SLA2: variants seen among roughly 807,000 people sequenced by gnomAD.
SLA2 encodes src-like-adapter 2.
Under a neutral mutation model 27.3 loss-of-function variants are expected in SLA2, and 22 were observed. That is an observed-to-expected ratio of 0.81 (90% CI 0.58 to 1.15). The LOEUF (loss-of-function observed/expected upper bound fraction) is 1.15, where lower values mean the gene tolerates loss of function less well. Among genes scored for constraint, SLA2 ranks in the 50% most tolerant of loss-of-function variants. SLA2 has a pLI of 0.00. For missense variants in SLA2, 304 were observed against 322.2 expected (o/e 0.94, Z 0.43); for synonymous variants, 131 against 137.8 (o/e 0.95, Z 0.34).
chr20:36,636,623 AATAT>A lies in SLA2; in HGVS notation c.92-2038_92-2035del, dbSNP rs57962999. On this transcript the variant is annotated intron_variant, in intron 2 of 7. Transcript: ENST00000262866. ...TCCATCTCAAAAAGAAAAAAAAAAA[AATAT>A]ATATATATATATATATATATATATA... Among the ~76,000 whole-genome samples the A allele has an allele frequency of 8.1e-4, 93 of 114,670 alleles. 2 individuals are homozygous for A. The highest frequency in any genetic ancestry group is 1.8e-3 in the African/African-American group (44 of 25,124). 75.2% of individuals were successfully genotyped at this position (114,670 alleles called of 152,430 possible).
At chr20:36,634,832 T>C (rs1173792220) in intron 2 of SLA2, among the ~76,000 whole-genome samples, 2 of 151,160 alleles carry the variant, frequency 1.3e-5, no homozygotes, top group Non-Finnish European at 1.5e-5. Flanking sequence ...AAAATAGTGA[T>C]AGGGTCTTGC....
intron 5 of SLA2, among the ~76,000 whole-genome samples, chr20:36,626,033 G>A (rs1379093622): frequency 2.0e-5 from 3 of 152,056 alleles, no homozygotes; most frequent in African/African-American, 7.2e-5. Context: ...GGGAGGCCAA[G>A]GTGGGTGGAT....
At chr20:36,620,717 G>A (rs1240279955) in intron 5 of SLA2, among the ~76,000 whole-genome samples, 1 of 151,884 alleles carries the variant, frequency 6.6e-6, no homozygotes, top group African/African-American at 2.4e-5. Flanking sequence ...TTACAGGTGT[G>A]CACCACCAAG....
In SLA2 at chr20:36,641,302, G is replaced by A; in HGVS notation, c.34C>T (p.Pro12Ser). 1 of 1,614,102 alleles carries A rather than the reference G, an allele frequency of 6.2e-7. No homozygotes were observed. The highest frequency in any genetic ancestry group is 1.1e-5 in the South Asian group (1 of 91,084). ...GSLPSRRKSL[P>S]SPSLSSSVQG... ...ACAGAGGAACTCAAGCTTGGGCTTG[G>A]CAGAGATTTTCTTCTGCTGGGCAGA... Residue 12 changes from proline to serine, a missense_variant, in exon 2 of 8, where the codon CCA (proline) becomes TCA (serine). Pro to Ser is a moderately conservative substitution (Grantham distance 74). Coordinates refer to ENST00000262866, the MANE Select transcript of SLA2 (RefSeq NM_032214.4).
chr20:36,640,016 C>T (rs1230070007), intron 2 of SLA2, among the ~76,000 whole-genome samples: 2 of 151,918 alleles, frequency 1.3e-5, no homozygotes, highest in Non-Finnish European at 2.9e-5. Context: ...ATTAAGACAG[C>T]CCTGGCAAGG....
At chr20:36,644,265 C>T (rs1269049914) in intron 1 of SLA2, among the ~76,000 whole-genome samples, 1 of 152,082 alleles carries the variant, frequency 6.6e-6, no homozygotes, top group Non-Finnish European at 1.5e-5. Flanking sequence ...GACCAGGAAA[C>T]CCCAGGGAGA....
At chr20:36,629,703 C>T (rs1025589503) in intron 5 of SLA2, among the ~76,000 whole-genome samples, 1 of 151,948 alleles carries the variant, frequency 6.6e-6, no homozygotes, top group Non-Finnish European at 1.5e-5. Flanking sequence ...GAACCCAGGA[C>T]GTGGAGGTTG....
chr20:36,635,830 C>G (rs1314377604), intron 2 of SLA2, among the ~76,000 whole-genome samples: 3 of 152,170 alleles, frequency 2.0e-5, no homozygotes, highest in Non-Finnish European at 4.4e-5. Context: ...GCTGCATACA[C>G]TACACTGTCC....
chr20:36,632,308 T>G (rs2039400880), intron 5 of SLA2, among the ~76,000 whole-genome samples: 1 of 151,982 alleles, frequency 6.6e-6, no homozygotes, highest in African/African-American at 2.4e-5. Context: ...GGATCCCAGG[T>G]CCACTCCTCC....
intron 1 of SLA2, among the ~76,000 whole-genome samples, chr20:36,645,531 G>A (rs1215520494): frequency 3.3e-5 from 5 of 152,142 alleles, no homozygotes; most frequent in Non-Finnish European, 5.9e-5. Context: ...TGACTGCAGC[G>A]CAGAGAGGGG....
intron 6 of SLA2, chr20:36,614,866 C>A (rs2039189398): frequency 4.1e-6 from 4 of 985,394 alleles, no homozygotes; most frequent in Non-Finnish European, 4.8e-6. Flanking sequence ...TGTTGAAGGA[C>A]AGGCACCAGG....
At chr20:36,616,308 AT>A (rs1187898492) in intron 5 of SLA2, among the ~76,000 whole-genome samples, 2,816 of 126,218 alleles carry the variant, frequency 0.022, 68 homozygotes, top group African/African-American at 0.064. Flanking sequence ...TCATTTTTTC[AT>A]TTTTTTTTTT....
Position 36,633,590 on chromosome 20 carries a change from G to A in SLA2, c.231C>T (p.Gly77=). Residue 77 remains glycine (G), a synonymous_variant, in exon 4 of 8, where the codon GGC becomes GGT. Transcript: ENST00000262866. ...DWWTVLSEVS[G]REYNIPSVHV... is the part of the protein sequence containing the mutation. The stretch of plus-strand genomic sequence containing the variant: ...GGACGCTGGGGATGTTATACTCTCT[G>A]CCTGAGACTTCAGACAGCACCGTCC... 6.2e-7 allele frequency: 1 copy of A among 1,614,106 alleles called. No individual in the cohort carries two copies. The highest frequency in any genetic ancestry group is 8.5e-7 in the Non-Finnish European group (1 of 1,179,988).
At chr20:36,631,873 C>G (rs528738819) in intron 5 of SLA2, among the ~76,000 whole-genome samples, 1 of 152,336 alleles carries the variant, frequency 6.6e-6, no homozygotes, top group East Asian at 1.9e-4. Context: ...CTGACTGGTG[C>G]TGCATGATGA....
Position 36,613,785 on chromosome 20 carries a change from C to T in SLA2, c.*81G>A, listed in dbSNP as rs45589838. On this transcript the variant is annotated 3_prime_UTR_variant, in exon 8 of 8. Transcript: ENST00000262866. Reference sequence around the variant, plus strand: ...CACCCTCCCTCCCTGAGTGCACAGCCTTGCCTCTGGGGTGCCCAGGAGGCT... The same window carrying T: ...CACCCTCCCTCCCTGAGTGCACAGCTTTGCCTCTGGGGTGCCCAGGAGGCT... The T allele has an allele frequency of 5.5e-3, 7,379 of 1,342,628 alleles. 40 individuals carry two copies. The highest frequency in any genetic ancestry group is 6.8e-3 in the Non-Finnish European group (6,696 of 990,508). The allele number at this position is 1,342,628 out of a possible 1,614,324, so 83.2% of individuals were successfully genotyped here. A position where few individuals can be genotyped will look rare whatever the true frequency, so the allele number is the denominator to read the frequency against.
At position 36,633,525 on chromosome 20, in the gene SLA2, C is replaced by T. The variant is rs747961544; in HGVS notation, c.278+18G>A. The T allele has an allele frequency of 6.2e-7, 1 of 1,606,820 alleles. No individual in the cohort carries two copies. Among genetic ancestry groups the T allele is most frequent in the East Asian group, 2.2e-5 (1 of 44,834 alleles). On this transcript the variant is annotated intron_variant, in intron 4 of 7. Coordinates refer to ENST00000262866, the MANE Select transcript of SLA2 (RefSeq NM_032214.4). ...AAAGCAGGAAGCTCTGCAAGGCGGG[C>T]CTGGGGTGGGAACTCACCCATGGGA...
At position 36,625,209 on chromosome 20, in the gene SLA2, TACCCTG is replaced by T. The variant is rs1450382439; in HGVS notation, c.382+7380_382+7385del. ...CCTGTATTATTCTCATCAGACCACG[TACCCTG>T]ATTTTTTTTTTTTTTTTTTTTTTTG... On this transcript the variant is annotated intron_variant, in intron 5 of 7. Transcript: ENST00000262866. Among the ~76,000 whole-genome samples, 22 of 146,114 alleles carry T rather than the reference TACCCTG, an allele frequency of 1.5e-4. No individual in the cohort carries two copies. The South Asian group carries it at 2.4e-3, about 16-fold the overall frequency.
intron 5 of SLA2, among the ~76,000 whole-genome samples, chr20:36,626,800 C>T (rs1318191930): frequency 4.0e-5 from 6 of 149,338 alleles, no homozygotes; most frequent in African/African-American, 1.5e-4. Flanking sequence ...GCCGAGATCC[C>T]GCCAACTGCA....
rs995792048 is a variant in SLA2, at chr20:36,614,478, C to T, written c.533-41G>A. 3.9e-6 allele frequency: 6 copies of T among 1,557,620 alleles called. No individual in the cohort carries two copies. In the African/African-American group the frequency reaches 8.2e-5, roughly 21 times the overall value. ...CCATCCCTGACATGACTGACTCCAC[C>T]CTACTTCTCCCCAACAGCCCTCACC... On this transcript the variant is annotated intron_variant, in intron 6 of 7. Transcript: ENST00000262866.
Sources: gnomAD v4.1 joint callset for allele counts (sites outside exome capture counted in the v4.1 genomes callset) on GRCh38, gnomAD v4.1.1 for gene constraint, MANE v1.5 for transcripts, NCBI Gene and HGNC (gene_info 2026-07-23, HGNC 2026-07-21) for gene names.